FGF12: variants seen among roughly 807,000 people sequenced by gnomAD.
FGF12 encodes the protein fibroblast growth factor 12B.
FGF12 carries 14 observed loss-of-function variants against 23.6 expected under a neutral mutation model. That is an observed-to-expected ratio of 0.59 (90% CI 0.39 to 0.93). The LOEUF (loss-of-function observed/expected upper bound fraction) is 0.93. Ranked by LOEUF, FGF12 falls within the 40% of genes least tolerant of loss-of-function variation. FGF12 has a pLI of 0.00. For synonymous variants in FGF12, 62 were observed against 77.3 expected (o/e 0.80, Z 1.04); for missense variants, 175 against 217.8 (o/e 0.80, Z 1.24).
intron 2 of FGF12, among the ~76,000 whole-genome samples, chr3:192,510,887 T>C (rs1406851224): frequency 6.6e-6 from 1 of 152,200 alleles, no homozygotes; most frequent in Admixed American, 6.5e-5. Flanking sequence ...CTACACACTA[T>C]ATTATTCCAA....
intron 2 of FGF12, among the ~76,000 whole-genome samples, chr3:192,424,786 G>GT (rs1560107350): frequency 6.6e-6 from 1 of 151,800 alleles, no homozygotes; most frequent in African/African-American, 2.4e-5. Flanking sequence ...ACACACACAC[G>GT]TATCTTTACA....
intron 2 of FGF12, among the ~76,000 whole-genome samples, chr3:192,647,708 T>TAC (rs1716060270): frequency 6.8e-6 from 1 of 147,942 alleles, no homozygotes; most frequent in African/African-American, 2.5e-5. Flanking sequence ...TATGTGTATA[T>TAC]ATACATATAT....
At position 192,672,156 on chromosome 3, in the gene FGF12, T is replaced by G. The variant is rs554040559; in HGVS notation, c.13+55025A>C. On this transcript the variant is annotated intron_variant, in intron 2 of 5. Coordinates refer to ENST00000445105, the MANE Select transcript of FGF12 (RefSeq NM_004113.6). ...AAAAGGAAATAATACAGAGGCTTTA[T>G]GTGTTTCATAGAATCTCATAGTTGT... Among the ~76,000 whole-genome samples, 10 of 138,842 alleles carry G rather than the reference T, an allele frequency of 7.2e-5. No individual in the cohort carries two copies. The East Asian group carries it at 1.9e-3, about 27-fold the overall frequency. The allele number at this position is 138,842 out of a possible 152,430, so 91.1% of individuals were successfully genotyped here. A position where few individuals can be genotyped will look rare whatever the true frequency, so the allele number is the denominator to read the frequency against.
chr3:192,389,290 T>C (rs780725996), intron 2 of FGF12, among the ~76,000 whole-genome samples: 1 of 151,588 alleles, frequency 6.6e-6, no homozygotes, highest in African/African-American at 2.4e-5. Context: ...AACCTAGGAG[T>C]TGGAGGTTGC....
intron 2 of FGF12, among the ~76,000 whole-genome samples, chr3:192,447,175 C>T (rs1407372751): frequency 6.6e-6 from 1 of 152,160 alleles, no homozygotes; most frequent in Non-Finnish European, 1.5e-5. Context: ...TGCTGTGTTC[C>T]TAGAGTGCTT....
chr3:192,466,498 A>T (rs1343348045), intron 2 of FGF12, among the ~76,000 whole-genome samples: 1 of 152,146 alleles, frequency 6.6e-6, no homozygotes, highest in Non-Finnish European at 1.5e-5. Context: ...TGCTGTTTGC[A>T]TTTACCAAAG....
intron 2 of FGF12, among the ~76,000 whole-genome samples, chr3:192,376,517 C>T (rs71312492): frequency 0.012 from 1,795 of 152,068 alleles, 21 homozygotes; most frequent in Non-Finnish European, 0.018. Context: ...CATGTGTCAC[C>T]ACGCCCGGCT....
chr3:192,408,265 C>T lies in FGF12; in HGVS notation c.14-47727G>A. 6.5e-7 allele frequency: 1 copy of T among 1,530,354 alleles called. No individual in the cohort carries two copies. Among genetic ancestry groups the T allele is most frequent in the Non-Finnish European group, 8.7e-7 (1 of 1,143,724 alleles). 94.8% of individuals were successfully genotyped at this position (1,530,354 alleles called of 1,614,324 possible). A position where few individuals can be genotyped will look rare whatever the true frequency, so the allele number is the denominator to read the frequency against. ...CCTCAGGCCCCAGCCTCTACTGCGC[C>T]CTCCGGCTTGCGCTCCGCCGGGGCG... is the stretch of plus-strand genomic sequence containing the variant. On this transcript the variant is annotated intron_variant, in intron 2 of 5. Transcript: ENST00000445105. This position sits in a 1 kb window ranked among gnomAD's most constrained non-coding sequence, Gnocchi z 7.3.
intron 2 of FGF12, among the ~76,000 whole-genome samples, chr3:192,364,188 T>G (rs2108736833): frequency 6.6e-6 from 1 of 152,310 alleles, no homozygotes; most frequent in East Asian, 1.9e-4. Context: ...AAAAGGGTTC[T>G]CAAATGCAGA....
rs1004518035 is a variant in FGF12, at chr3:192,389,126, G to A, written c.14-28588C>T. The stretch of plus-strand genomic sequence containing the variant: ...TGTAATCCCAGCACTTTGGGAGGCC[G>A]AGGCAGGCGGATCACCAGATGTCAG... On this transcript the variant is annotated intron_variant, in intron 2 of 5. Coordinates refer to ENST00000445105, the MANE Select transcript of FGF12 (RefSeq NM_004113.6). 3.3e-5 allele frequency among the ~76,000 whole-genome samples: 5 copies of A among 152,192 alleles called. 1 individual carries two copies. Among genetic ancestry groups the A allele is most frequent in the South Asian group, 2.1e-4 (1 of 4,834 alleles).
intron 5 of FGF12, among the ~76,000 whole-genome samples, chr3:192,167,253 G>T (rs9846383): frequency 0.94 from 142,141 of 151,658 alleles, 66,668 homozygotes; most frequent in Middle Eastern, 0.99. Context: ...GCGATAAGTA[G>T]CATATGGCAG....
At chr3:192,546,211 A>G (rs1317038766) in intron 2 of FGF12, among the ~76,000 whole-genome samples, 2 of 152,160 alleles carry the variant, frequency 1.3e-5, no homozygotes, top group Non-Finnish European at 2.9e-5. Context: ...TCCTCTAAAT[A>G]TAGATAAGAA....
chr3:192,420,199 G>T (rs1403746481), intron 2 of FGF12, among the ~76,000 whole-genome samples: 1 of 152,102 alleles, frequency 6.6e-6, no homozygotes, highest in Non-Finnish European at 1.5e-5. Context: ...AAGGAAAATG[G>T]TCGGGGGTGG....
chr3:192,658,279 ACTGAAC>A (rs1321999830), intron 2 of FGF12, among the ~76,000 whole-genome samples: 3 of 152,236 alleles, frequency 2.0e-5, no homozygotes, highest in Non-Finnish European at 2.9e-5. Context: ...GAAAGCTGAT[ACTGAAC>A]CTGCCAGTGG....
At chr3:192,445,979 A>T (rs74892690) in intron 2 of FGF12, among the ~76,000 whole-genome samples, 3 of 152,338 alleles carry the variant, frequency 2.0e-5, no homozygotes, top group Non-Finnish European at 4.4e-5. Flanking sequence ...CAAAGGAGAC[A>T]GTCATCTGTT....
chr3:192,715,064 A>G (rs6782201), intron 2 of FGF12, among the ~76,000 whole-genome samples: 10,028 of 152,224 alleles, frequency 0.066, 504 homozygotes, highest in East Asian at 0.19. Context: ...TTGTACGTAT[A>G]TCTTGCTTTG....
At chr3:192,644,044 A>G (rs1024469665) in intron 2 of FGF12, among the ~76,000 whole-genome samples, 2 of 152,226 alleles carry the variant, frequency 1.3e-5, no homozygotes, top group African/African-American at 4.8e-5. Flanking sequence ...ATGAAGGTCT[A>G]AAAAAGATAA....
At chr3:192,302,653 C>A (rs1715409522) in intron 4 of FGF12, among the ~76,000 whole-genome samples, 1 of 152,132 alleles carries the variant, frequency 6.6e-6, no homozygotes. Context: ...AATGGCCATG[C>A]AGAAAACAGT....
chr3:192,315,470 G>T (rs1716180611), intron 4 of FGF12, among the ~76,000 whole-genome samples: 1 of 151,956 alleles, frequency 6.6e-6, no homozygotes, highest in Non-Finnish European at 1.5e-5. Flanking sequence ...CTCCCTGAAG[G>T]TTATGAAAGT....
Sources: allele counts gnomAD v4.1 joint callset (sites outside exome capture counted in the v4.1 genomes callset), GRCh38; gene constraint gnomAD v4.1.1; non-coding constraint Gnocchi (gnomAD v3.1); transcripts MANE v1.5; gene names NCBI Gene and HGNC (gene_info 2026-07-23, HGNC 2026-07-21).